Variants in ZNF892 observed in about 807,000 individuals in gnomAD.
ZNF892 encodes the protein zinc finger protein 892.
the ZNF892 span, among the ~76,000 whole-genome samples, chr2:95,225,675 C>A: frequency 6.6e-6 from 1 of 152,200 alleles, no homozygotes; most frequent in African/African-American, 2.4e-5. Context: ...AAAATACATT[C>A]ATTCCATCCC....
the ZNF892 span, among the ~76,000 whole-genome samples, chr2:95,248,807 G>T: frequency 6.6e-6 from 1 of 151,994 alleles, no homozygotes; most frequent in Non-Finnish European, 1.5e-5. Flanking sequence ...ATTCATTTAG[G>T]TTTCATCTTT....
At chr2:95,249,400 C>T in the ZNF892 span, among the ~76,000 whole-genome samples, 1 of 148,810 alleles carries the variant, frequency 6.7e-6, no homozygotes. Flanking sequence ...GCCACCACTC[C>T]TGGCTATTTT....
the ZNF892 span, among the ~76,000 whole-genome samples, chr2:95,224,225 TC>T: frequency 5.3e-5 from 8 of 152,132 alleles, no homozygotes; most frequent in African/African-American, 1.7e-4. Context: ...TCCTCTATTC[TC>T]CCCAGCACTA....
At chr2:95,229,905 G>A in the ZNF892 span, among the ~76,000 whole-genome samples, 3 of 152,128 alleles carry the variant, frequency 2.0e-5, 1 homozygote, top group Admixed American at 2.0e-4. Context: ...TGTCAGCTAG[G>A]CATGAGTTCC....
chr2:95,227,122 C>CT, the ZNF892 span, among the ~76,000 whole-genome samples: 1 of 143,102 alleles, frequency 7.0e-6, no homozygotes. Flanking sequence ...CCCTCCCTCC[C>CT]TCCCTTCCTT....
At chr2:95,210,219 G>GTA in the ZNF892 span, among the ~76,000 whole-genome samples, 3 of 146,318 alleles carry the variant, frequency 2.1e-5, no homozygotes, top group South Asian at 2.1e-4. Context: ...GTGTATATAT[G>GTA]TATATATATG....
At chr2:95,253,219 T>A in the ZNF892 span, among the ~76,000 whole-genome samples, 1 of 152,338 alleles carries the variant, frequency 6.6e-6, no homozygotes, top group African/African-American at 2.4e-5. Flanking sequence ...TGGTTTTAGG[T>A]CTAACATTTA....
chr2:95,251,954 G>A, the ZNF892 span, among the ~76,000 whole-genome samples: 1 of 152,134 alleles, frequency 6.6e-6, no homozygotes, highest in Non-Finnish European at 1.5e-5. Flanking sequence ...TCTTACAAAT[G>A]TTTTCCTCCT....
At chr2:95,227,273 C>G in the ZNF892 span, among the ~76,000 whole-genome samples, 1 of 152,032 alleles carries the variant, frequency 6.6e-6, no homozygotes, top group Non-Finnish European at 1.5e-5. Context: ...TGACATTTTA[C>G]TACTCATGTC....
chr2:95,254,215 T>G, the ZNF892 span, among the ~76,000 whole-genome samples: 8 of 152,072 alleles, frequency 5.3e-5, no homozygotes, highest in East Asian at 1.9e-4. Context: ...TTGGCTGTGG[T>G]TTTGTCATAG....
the ZNF892 span, among the ~76,000 whole-genome samples, chr2:95,260,900 A>G: frequency 0.8 from 121,414 of 152,128 alleles, 48,849 homozygotes; most frequent in African/African-American, 0.88. Context: ...GGAAGACTGG[A>G]GTCCTCAGTG....
the ZNF892 span, among the ~76,000 whole-genome samples, chr2:95,262,286 G>A: frequency 6.6e-6 from 1 of 152,210 alleles, no homozygotes; most frequent in Non-Finnish European, 1.5e-5. Context: ...TGCATCTACA[G>A]TCAGATAACC....
chr2:95,257,722 C>A, the ZNF892 span, among the ~76,000 whole-genome samples: 13 of 152,172 alleles, frequency 8.5e-5, no homozygotes, highest in Admixed American at 2.6e-4. Flanking sequence ...CCACCTAGTT[C>A]GAGCTTCCCT....
the ZNF892 span, among the ~76,000 whole-genome samples, chr2:95,226,856 T>C: frequency 6.6e-6 from 1 of 152,136 alleles, no homozygotes; most frequent in East Asian, 1.9e-4. Flanking sequence ...CACTGTGGTG[T>C]CCTGGATCCA....
At chr2:95,212,586 T>A in the ZNF892 span, among the ~76,000 whole-genome samples, 3 of 152,246 alleles carry the variant, frequency 2.0e-5, no homozygotes, top group Non-Finnish European at 4.4e-5. Context: ...ATTTTTTACA[T>A]GTGTTATTTT....
chr2:95,249,608 A>G, the ZNF892 span, among the ~76,000 whole-genome samples: 1 of 152,046 alleles, frequency 6.6e-6, no homozygotes, highest in African/African-American at 2.4e-5. Context: ...AAAGTAAACA[A>G]TATTTGAATC....
At chr2:95,254,507 G>C in the ZNF892 span, among the ~76,000 whole-genome samples, 1 of 152,032 alleles carries the variant, frequency 6.6e-6, no homozygotes, top group Non-Finnish European at 1.5e-5. Flanking sequence ...GGATTTTTGC[G>C]TCGATGTTCA....
At chr2:95,218,676 C>T in the ZNF892 span, among the ~76,000 whole-genome samples, 4 of 152,278 alleles carry the variant, frequency 2.6e-5, no homozygotes, top group East Asian at 1.9e-4. Context: ...AACAAAAATC[C>T]GTAGACTGGG....
the ZNF892 span, among the ~76,000 whole-genome samples, chr2:95,209,163 G>GTGTGC: frequency 6.6e-6 from 1 of 152,198 alleles, no homozygotes; most frequent in Non-Finnish European, 1.5e-5. Flanking sequence ...TGGGAGAAGT[G>GTGTGC]TGGGATAAAT....
Sources: gnomAD v4.1 joint callset for allele counts (sites outside exome capture counted in the v4.1 genomes callset) on GRCh38, gnomAD v4.1.1 for gene constraint, MANE v1.5 for transcripts, NCBI Gene and HGNC (gene_info 2026-07-23, HGNC 2026-07-21) for gene names.